The following TUSC3 variants were observed in gnomAD, a reference collection of about 807,000 sequenced individuals.
TUSC3 encodes the protein dolichyl-diphosphooligosaccharide--protein glycosyltransferase subunit TUSC3.
Under a neutral mutation model 44.8 loss-of-function variants are expected in TUSC3, and 45 were observed. That is an observed-to-expected ratio of 1.00 (90% CI 0.79 to 1.29). TUSC3 has a LOEUF of 1.29. Ranked by LOEUF, TUSC3 falls within the 50% of genes most tolerant of loss-of-function variation. The pLI is 0.00. For missense variants in TUSC3, 519 were observed against 437.9 expected, an observed-to-expected ratio of 1.19 and a Z score of -1.65; for synonymous variants, 212 against 152.9, an observed-to-expected ratio of 1.39 and a Z score of -2.85.
At chr8:15,524,096 G>T (rs1801340899) in intron 2 of TUSC3, among the ~76,000 whole-genome samples, 1 of 150,096 alleles carries the variant, frequency 6.7e-6, no homozygotes, top group Non-Finnish European at 1.5e-5. Context: ...TGTTTGGTTT[G>T]CATTTGATTT....
intron 1 of TUSC3, among the ~76,000 whole-genome samples, chr8:15,587,669 C>T (rs1803655163): frequency 6.6e-6 from 1 of 151,994 alleles, no homozygotes; most frequent in Non-Finnish European, 1.5e-5. Context: ...AGAACTTATT[C>T]CTCCTATCTG....
chr8:15,793,427 T>G, the TUSC3 span, among the ~76,000 whole-genome samples: 1 of 152,098 alleles, frequency 6.6e-6, no homozygotes, highest in Non-Finnish European at 1.5e-5. Context: ...TTGCACTTCT[T>G]ATTTCTTCTG....
At chr8:15,504,592 TA>T (rs1801020080) in intron 2 of TUSC3, among the ~76,000 whole-genome samples, 3 of 17,120 alleles carry the variant, frequency 1.8e-4, no homozygotes, top group Non-Finnish European at 3.5e-4. Flanking sequence ...TATATATATA[TA>T]TATATATATA....
chr8:15,429,146 A>G (rs1799841265), intron 1 of TUSC3, among the ~76,000 whole-genome samples: 1 of 152,092 alleles, frequency 6.6e-6, no homozygotes, highest in Non-Finnish European at 1.5e-5. Flanking sequence ...TAATTTTTGT[A>G]TAAGGTGTAA....
At chr8:15,551,214 C>CAT (rs1802050950) in intron 1 of TUSC3, among the ~76,000 whole-genome samples, 1 of 151,564 alleles carries the variant, frequency 6.6e-6, no homozygotes, top group African/African-American at 2.4e-5. Context: ...GTTTTTCTGG[C>CAT]ATATCTTTAA....
chr8:15,669,256 C>T (rs1418367137), intron 5 of TUSC3, among the ~76,000 whole-genome samples: 2 of 151,788 alleles, frequency 1.3e-5, no homozygotes, highest in African/African-American at 4.8e-5. Flanking sequence ...GAATCCATTG[C>T]TGAAACAATT....
At chr8:15,769,580 G>T (rs572262307), downstream of TUSC3, among the ~76,000 whole-genome samples, 57 of 152,078 alleles carry the variant, frequency 3.7e-4, no homozygotes, top group Non-Finnish European at 7.5e-4. Flanking sequence ...TTGATACATG[G>T]GATCTAATTA....
At position 15,617,890 on chromosome 8, in the gene TUSC3, C is replaced by T. The variant is rs116335266; in HGVS notation, c.139-5190C>T. Among the ~76,000 whole-genome samples the T allele has an allele frequency of 4.7e-3, 718 of 152,146 alleles. 6 individuals carry two copies. The highest frequency in any genetic ancestry group is 0.016 in the African/African-American group (660 of 41,490). ...TATTTAAAGACAAAAGTATGCTCAC[C>T]GAAACCTAGATGGTATAGTCTACTA... On this transcript the variant is annotated intron_variant, in intron 1 of 10. Transcript: ENST00000503731.
the TUSC3 span, among the ~76,000 whole-genome samples, chr8:15,795,548 G>A: frequency 6.6e-6 from 1 of 152,154 alleles, no homozygotes; most frequent in Admixed American, 6.5e-5. Context: ...AGGGATCTTT[G>A]AGGTCATCTG....
At chr8:15,758,191 G>T in intron 10 of TUSC3, 1 of 1,024,546 alleles carries the variant, frequency 9.8e-7, no homozygotes, top group Non-Finnish European at 1.2e-6. Flanking sequence ...ATTCTATCTA[G>T]GAAAAATGTA....
At chr8:15,458,705 C>G (rs1800297583) in intron 1 of TUSC3, among the ~76,000 whole-genome samples, 1 of 152,128 alleles carries the variant, frequency 6.6e-6, no homozygotes, top group Non-Finnish European at 1.5e-5. Flanking sequence ...CCCGACTTTT[C>G]AAGATAAATG....
rs76086425 is a variant in TUSC3 at position 15,709,650 on chromosome 8, C to T, written c.799-21016C>T. The stretch of plus-strand genomic sequence containing the variant: ...GATGATGATGATGATGATAAATTAC[C>T]TTTAATGTGTTAGGAGCTGTATGTG... On this transcript the variant is annotated intron_variant, in intron 6 of 10. Transcript: ENST00000503731. 3.8e-3 allele frequency among the ~76,000 whole-genome samples: 582 copies of T among 151,826 alleles called. 11 individuals are homozygous for T. The East Asian group carries it at 0.055, about 14-fold the overall frequency.
intron 2 of TUSC3, among the ~76,000 whole-genome samples, chr8:15,497,737 TC>T (rs1800902233): frequency 1.4e-5 from 1 of 72,048 alleles, no homozygotes; most frequent in Non-Finnish European, 4.7e-5. Flanking sequence ...TGTTTCTTCT[TC>T]TTTTTTTTTT....
the TUSC3 span, among the ~76,000 whole-genome samples, chr8:15,808,604 G>C: frequency 0.25 from 38,018 of 152,030 alleles, 5,883 homozygotes; most frequent in African/African-American, 0.44. Flanking sequence ...TTCCACGAAG[G>C]TAAGAACATG....
chr8:15,781,346 T>C, the TUSC3 span, among the ~76,000 whole-genome samples: 794 of 152,224 alleles, frequency 5.2e-3, 8 homozygotes, highest in Non-Finnish European at 8.9e-3. Context: ...GTACTGAGAG[T>C]ATATGGTATA....
At chr8:15,742,651 A>T (rs1226506878) in intron 7 of TUSC3, among the ~76,000 whole-genome samples, 1 of 152,226 alleles carries the variant, frequency 6.6e-6, no homozygotes, top group African/African-American at 2.4e-5. Flanking sequence ...ATAGCAGTAG[A>T]AAGAAACACA....
Position 15,483,317 on chromosome 8 carries a change from T to TTTG in TUSC3, n.92-51_92-49dup, listed in dbSNP as rs900012506. 67 of 220,658 alleles carry TTTG rather than the reference T, an allele frequency of 3.0e-4. 1 individual carries two copies. Among genetic ancestry groups the TTTG allele is most frequent in the Non-Finnish European group, 5.2e-4 (57 of 109,990 alleles). The allele number at this position is 220,658 out of a possible 1,614,324, so 13.7% of individuals were successfully genotyped here. Reference sequence around the variant, plus strand: ...TGAAGAATAAAGAAAAAGCACTGTTTTTGTTGTTGTTGTTGTTGTTTTGTT... The same window carrying TTTG: ...TGAAGAATAAAGAAAAAGCACTGTTTTTGTTGTTGTTGTTGTTGTTGTTTTGTT... On this transcript the variant is annotated intron_variant and non_coding_transcript_variant, in intron 1 of 5. Transcript: ENST00000503191.
At chr8:15,449,226 A>G (rs1326581376) in intron 1 of TUSC3, among the ~76,000 whole-genome samples, 1 of 152,212 alleles carries the variant, frequency 6.6e-6, no homozygotes, top group Non-Finnish European at 1.5e-5. Flanking sequence ...ATACATATTC[A>G]GTAAGCTATA....
At chr8:15,814,498 G>C in the TUSC3 span, among the ~76,000 whole-genome samples, 2 of 152,142 alleles carry the variant, frequency 1.3e-5, no homozygotes, top group African/African-American at 4.8e-5. Flanking sequence ...GTATACATTT[G>C]ATTCAACAAT....
Sources: allele counts gnomAD v4.1 joint callset (sites outside exome capture counted in the v4.1 genomes callset), GRCh38; gene constraint gnomAD v4.1.1; transcripts MANE v1.5; gene names NCBI Gene and HGNC (gene_info 2026-07-23, HGNC 2026-07-21).